The following STXBP4 variants were observed in gnomAD, a reference collection of about 807,000 sequenced individuals.
STXBP4 encodes the protein syntaxin binding protein 4, also known as syntaxin-binding protein 4.
Under a neutral mutation model 76.1 loss-of-function variants are expected in STXBP4, and 55 were observed. That is an observed-to-expected ratio of 0.72 (90% CI 0.58 to 0.91). The LOEUF (loss-of-function observed/expected upper bound fraction) is 0.91, where lower values mean the gene tolerates loss of function less well. Ranked by LOEUF, STXBP4 falls within the 40% of genes least tolerant of loss-of-function variation. The probability of loss-of-function intolerance (pLI) is 0.00; values close to 1 mark genes in which losing one functional copy is unlikely to be tolerated. For missense variants in STXBP4, 618 were observed against 636.9 expected (o/e 0.97, Z 0.32); for synonymous variants, 201 against 220.2 (o/e 0.91, Z 0.77).
chr17:55,158,370 A>T (rs1356306943), intron 17 of STXBP4, among the ~76,000 whole-genome samples: 1 of 152,238 alleles, frequency 6.6e-6, no homozygotes, highest in Non-Finnish European at 1.5e-5. Context: ...TTGATCTAAG[A>T]CATGATGCTG....
At chr17:55,155,552 G>T in intron 17 of STXBP4, among the ~76,000 whole-genome samples, 1 of 146,220 alleles carries the variant, frequency 6.8e-6, no homozygotes, top group South Asian at 2.2e-4. Flanking sequence ...AATTACTTTT[G>T]GCTCTTTATT....
At chr17:55,185,260 T>TCTCCTTCTC in the STXBP4 span, among the ~76,000 whole-genome samples, 64 of 50,656 alleles carry the variant, frequency 1.3e-3, 5 homozygotes, top group East Asian at 2.1e-3. Context: ...TCCTTCTCCT[T>TCTCCTTCTC]CTCCTTCTCC....
chr17:55,146,722 A>C (rs1016909327), intron 17 of STXBP4, among the ~76,000 whole-genome samples: 8 of 132,036 alleles, frequency 6.1e-5, no homozygotes, highest in African/African-American at 2.5e-4. Flanking sequence ...GTCTCAAAAA[A>C]AAAGAAAAAA....
rs534038383 is a variant in STXBP4 at position 54,990,564 on chromosome 17, T to G, written c.48-261T>G. ...ATTATTGTGAATTGTATAATTATTT[T>G]ATTATATATTACAATGTAATAATAA... On this transcript the variant is annotated intron_variant, in intron 3 of 17. Transcript: ENST00000376352. Among the ~76,000 whole-genome samples, 57 of 152,318 alleles carry G rather than the reference T, an allele frequency of 3.7e-4. 1 individual carries two copies. The highest frequency in any genetic ancestry group is 1.4e-3 in the African/African-American group (57 of 41,568).
At chr17:55,155,030 A>C (rs1196678102) in intron 17 of STXBP4, among the ~76,000 whole-genome samples, 1 of 152,124 alleles carries the variant, frequency 6.6e-6, no homozygotes, top group Non-Finnish European at 1.5e-5. Context: ...CTAATTACAA[A>C]ATGCTCAAAG....
chr17:55,077,042 C>A (rs947114689), intron 13 of STXBP4, among the ~76,000 whole-genome samples: 3 of 151,972 alleles, frequency 2.0e-5, no homozygotes, highest in Non-Finnish European at 4.4e-5. Context: ...ACTTTCAATT[C>A]CCTCTTATTT....
intron 16 of STXBP4, among the ~76,000 whole-genome samples, chr17:55,124,645 A>G (rs1186824934): frequency 2.6e-5 from 4 of 152,232 alleles, no homozygotes; most frequent in Non-Finnish European, 5.9e-5. Flanking sequence ...TCTGTCAAGT[A>G]AGTTGATTTA....
the STXBP4 span, among the ~76,000 whole-genome samples, chr17:55,209,472 A>G: frequency 4.6e-5 from 7 of 152,322 alleles, no homozygotes; most frequent in South Asian, 6.2e-4. Context: ...CTGGGGAGTC[A>G]GAGTCAAGCC....
At chr17:55,102,678 T>C (rs1242970580) in intron 16 of STXBP4, among the ~76,000 whole-genome samples, 1 of 152,212 alleles carries the variant, frequency 6.6e-6, no homozygotes, top group Non-Finnish European at 1.5e-5. Context: ...TATTTCTGGT[T>C]CTAGATCCTT....
At chr17:55,138,680 A>C (rs570691710) in intron 16 of STXBP4, among the ~76,000 whole-genome samples, 1 of 152,152 alleles carries the variant, frequency 6.6e-6, no homozygotes, top group Non-Finnish European at 1.5e-5. Context: ...GATATGGTAA[A>C]TGTAGGAAAA....
At chr17:55,157,533 A>G (rs952083107) in intron 17 of STXBP4, among the ~76,000 whole-genome samples, 1 of 152,222 alleles carries the variant, frequency 6.6e-6, no homozygotes, top group Non-Finnish European at 1.5e-5. Context: ...TCGTCAAGAG[A>G]ATAATGATTC....
In STXBP4 at chr17:54,986,125, T is replaced by C. The variant is rs2077623024; in HGVS notation, c.-78-17T>C. ...TTCTAAGACCTGACAATTTATTTTC[T>C]ACTTCTTCAATCCTAGGAAAAGAAG... On this transcript the variant is annotated splice_polypyrimidine_tract_variant and intron_variant, in intron 2 of 17. Coordinates refer to ENST00000376352, the MANE Select transcript of STXBP4 (RefSeq NM_178509.6). 8.4e-6 allele frequency: 9 copies of C among 1,068,420 alleles called. No individual in the cohort carries two copies. The highest frequency in any genetic ancestry group is 1.1e-5 in the Non-Finnish European group (8 of 708,934). 66.2% of individuals were successfully genotyped at this position (1,068,420 alleles called of 1,614,324 possible).
chr17:55,119,930 C>G (rs1030613903), intron 16 of STXBP4, among the ~76,000 whole-genome samples: 3 of 151,920 alleles, frequency 2.0e-5, no homozygotes, highest in African/African-American at 7.2e-5. Flanking sequence ...CTATAGCTAG[C>G]CTTTGTATTT....
At position 55,040,744 on chromosome 17, in the gene STXBP4, A is replaced by G. The variant is rs117502180; in HGVS notation, c.856-2492A>G. Among the ~76,000 whole-genome samples, 524 of 152,312 alleles carry G rather than the reference A, an allele frequency of 3.4e-3. 13 individuals are homozygous for G. The highest frequency in any genetic ancestry group is 0.027 in the Middle Eastern group (8 of 294). Reference sequence around the variant, plus strand: ...TTTACCAGCTGTTGCAAAGTTCGGGAGATCCAAGGATCACAAATGATATTG... The same window carrying G: ...TTTACCAGCTGTTGCAAAGTTCGGGGGATCCAAGGATCACAAATGATATTG... On this transcript the variant is annotated intron_variant, in intron 10 of 17. Coordinates refer to ENST00000376352, the MANE Select transcript of STXBP4 (RefSeq NM_178509.6).
chr17:55,034,342 C>A, intron 10 of STXBP4, 83 bp downstream of exon 10: 1 of 833,430 alleles, frequency 1.2e-6, no homozygotes, highest in Non-Finnish European at 1.8e-6. Flanking sequence ...AGGCTTTTTT[C>A]ACTTAAAAAT....
intron 16 of STXBP4, among the ~76,000 whole-genome samples, chr17:55,122,018 T>C (rs1446924635): frequency 6.6e-6 from 1 of 152,128 alleles, no homozygotes; most frequent in African/African-American, 2.4e-5. Flanking sequence ...TAAAAATAAA[T>C]ACCTATTTGT....
chr17:55,193,512 C>T, the STXBP4 span, among the ~76,000 whole-genome samples: 3 of 151,718 alleles, frequency 2.0e-5, no homozygotes, highest in East Asian at 1.9e-4. Flanking sequence ...TGGAGAAGAC[C>T]GCCACCCAAA....
chr17:55,166,353 C>T lies in STXBP4; in HGVS notation c.*6442C>T, dbSNP rs1051835094. The stretch of plus-strand genomic sequence containing the variant: ...TATAGCTTCTTCCTTCTCCACCACA[C>T]CTGTCCCCATCAATCTACCCATCAC... On this transcript the variant is annotated 3_prime_UTR_variant, in exon 18 of 18. Coordinates refer to ENST00000376352, the MANE Select transcript of STXBP4 (RefSeq NM_178509.6). 1 of 152,190 alleles carries T rather than the reference C, an allele frequency of 6.6e-6. No homozygotes were observed. The highest frequency in any genetic ancestry group is 2.1e-4 in the South Asian group (1 of 4,822). The allele number at this position is 152,190 out of a possible 1,614,324, so 9.4% of individuals were successfully genotyped here. A position where few individuals can be genotyped will look rare whatever the true frequency, so the allele number is the denominator to read the frequency against.
chr17:55,139,404 G>A (rs1455709827), intron 16 of STXBP4, among the ~76,000 whole-genome samples: 6 of 152,120 alleles, frequency 3.9e-5, no homozygotes, highest in Non-Finnish European at 7.4e-5. Context: ...AGTCACATTA[G>A]AATAACTTCC....
Sources: allele counts gnomAD v4.1 joint callset (sites outside exome capture counted in the v4.1 genomes callset), GRCh38; gene constraint gnomAD v4.1.1; transcripts MANE v1.5; gene names NCBI Gene and HGNC (gene_info 2026-07-23, HGNC 2026-07-21).